The following FBN3 variants were observed in gnomAD, a reference collection of about 807,000 sequenced individuals.
FBN3 encodes fibrillin 3, also known as fibrillin-3.
In FBN3, 234 loss-of-function variants were observed where a neutral mutation model predicts 330.1. The observed-to-expected ratio is 0.71, with a 90% CI of 0.64 to 0.79. The LOEUF (loss-of-function observed/expected upper bound fraction) is 0.79. FBN3 is among the 30% of genes least tolerant of loss of function. FBN3 has a pLI of 0.00. For synonymous variants in FBN3, 1,458 were observed against 1,517.3 expected (o/e 0.96, Z 0.91); for missense variants, 3,606 against 3,886.9 (o/e 0.93, Z 1.92).
Position 8,126,499 on chromosome 19 carries a change from G to A in FBN3, c.2523C>T (p.Ala841=). The A allele has an allele frequency of 6.2e-7, 1 of 1,613,188 alleles. No individual in the cohort carries two copies. The highest frequency in any genetic ancestry group is 8.5e-7 in the Non-Finnish European group (1 of 1,179,732). Residue 841 remains alanine (A), a synonymous_variant, in exon 20 of 64, where the codon GCC becomes GCT. Transcript: ENST00000600128. ...CGCAGCGTTCGCAGGGGCTCCCCCA[G>A]GCTGCCCCGAGGGTGGCGCAGCACT... ...RSECCATLGA[A]WGSPCERCEI...
At chr19:8,086,155 C>T (rs757524786) in intron 55 of FBN3, 45 bp downstream of exon 55, 29 of 1,487,164 alleles carry the variant, frequency 2.0e-5, no homozygotes, top group Middle Eastern at 1.8e-4. Context: ...GTGGGTGCCA[C>T]ATGGTAGGTG....
intron 59 of FBN3, among the ~76,000 whole-genome samples, chr19:8,076,415 C>T (rs2145386926): frequency 6.6e-6 from 1 of 152,230 alleles, no homozygotes; most frequent in African/African-American, 2.4e-5. Flanking sequence ...GCCTCCGGAT[C>T]ACCTGAAGTC....
intron 47 of FBN3, among the ~76,000 whole-genome samples, chr19:8,092,586 C>T (rs1464612946): frequency 6.6e-6 from 1 of 151,184 alleles, no homozygotes; most frequent in African/African-American, 2.4e-5. Context: ...TGTGGCGGGG[C>T]GCACCTGTAA....
At chr19:8,134,856 C>G (rs2083241693) in intron 13 of FBN3, among the ~76,000 whole-genome samples, 1 of 151,556 alleles carries the variant, frequency 6.6e-6, no homozygotes, top group African/African-American at 2.4e-5. Context: ...ATCACTTGAA[C>G]CCGGGCAGCA....
chr19:8,082,378 CTCT>C (rs1397663978), intron 57 of FBN3, among the ~76,000 whole-genome samples: 1 of 136,440 alleles, frequency 7.3e-6, no homozygotes, highest in South Asian at 2.2e-4. Context: ...TTCTTTCTTT[CTCT>C]TCTTTCTTCT....
At chr19:8,099,438 G>A (rs999888918) in intron 41 of FBN3, among the ~76,000 whole-genome samples, 7 of 151,124 alleles carry the variant, frequency 4.6e-5, no homozygotes, top group South Asian at 4.2e-4. Context: ...CCGCCACCAC[G>A]CCCGGCTAAT....
intron 61 of FBN3, among the ~76,000 whole-genome samples, chr19:8,074,259 C>G (rs1027254463): frequency 6.6e-6 from 1 of 151,998 alleles, no homozygotes; most frequent in African/African-American, 2.4e-5. Flanking sequence ...GTGGGATCCC[C>G]AAGATCCCCA....
Position 8,117,228 on chromosome 19 carries a change from C to T in FBN3, c.3527G>A (p.Ser1176Asn). Reference sequence around the variant, plus strand: ...GCCCTGCCCACAGCTGCACCGGTAGCTGCCCTCAGTGTTAATACAGTGCAC... The same window carrying T: ...GCCCTGCCCACAGCTGCACCGGTAGTTGCCCTCAGTGTTAATACAGTGCAC... ...CDVHCINTEG[S>N]YRCSCGQGYS... The change falls in exon 28 of 64, where the codon AGC becomes AAC. Residue 1176 changes from serine to asparagine, a missense_variant. Physicochemically the swap from Ser to Asn is conservative, Grantham distance 46. Transcript: ENST00000600128. 1 of 1,614,054 alleles carries T rather than the reference C, an allele frequency of 6.2e-7. No individual in the cohort carries two copies. The highest frequency in any genetic ancestry group is 2.2e-5 in the East Asian group (1 of 44,868).
In FBN3 at chr19:8,136,258, A is replaced by T; in HGVS notation, c.1397T>A (p.Ile466Asn). Residue 466 changes from isoleucine (I) to asparagine (N), a missense_variant, in exon 12 of 64, where the codon ATC becomes AAC. Physicochemically the swap from Ile to Asn is moderately radical, Grantham distance 149 (BLOSUM62 -3). Transcript: ENST00000600128. ...SPCHHGDCVN[I>N]PGTYHCRCYP... is the part of the protein sequence containing the mutation. ...GCACCGGCAGTGGTAGGTGCCGGGG[A>T]TGTTGACGCAGTCACCGTGGTGGCA... 3.7e-6 allele frequency: 6 copies of T among 1,607,356 alleles called. No homozygotes were observed. The highest frequency in any genetic ancestry group is 5.1e-6 in the Non-Finnish European group (6 of 1,177,798).
intron 23 of FBN3, 76 bp downstream of exon 23, chr19:8,123,708 T>G: frequency 1.3e-6 from 2 of 1,593,644 alleles, no homozygotes; most frequent in East Asian, 2.2e-5. Flanking sequence ...CCAAACACAC[T>G]TCCCATCTCC....
At chr19:8,092,569 T>TG (rs1338539151) in intron 47 of FBN3, among the ~76,000 whole-genome samples, 1 of 151,408 alleles carries the variant, frequency 6.6e-6, no homozygotes, top group Non-Finnish European at 1.5e-5. Context: ...AGAAATTAGC[T>TG]GGGCATTGTG....
Position 8,072,180 on chromosome 19 carries a change from C to T in FBN3, c.7956G>A (p.Leu2652=), listed in dbSNP as rs930122460. Residue 2652 remains leucine, a synonymous_variant, in exon 63 of 64, where the codon CTG becomes CTA. Coordinates refer to ENST00000600128, the MANE Select transcript of FBN3 (RefSeq NM_032447.5). ...TGTCCTGGGGTCCGGGGCTGAAGCC[C>T]AGGCCGGAGACACAGTGCCTGGGCC... ...RAGQGHCVSG[L]GFSPGPQDTP... 3.2e-6 allele frequency: 5 copies of T among 1,561,730 alleles called. No individual in the cohort carries two copies. The highest frequency in any genetic ancestry group is 3.5e-6 in the Non-Finnish European group (4 of 1,155,462).
intron 53 of FBN3, 33 bp downstream of exon 53, chr19:8,087,792 G>C: frequency 1.3e-6 from 2 of 1,587,802 alleles, no homozygotes; most frequent in South Asian, 1.1e-5. Context: ...ATTTTTAGTA[G>C]AGACAGGGTT....
chr19:8,077,843 G>T (rs190534132), intron 59 of FBN3, among the ~76,000 whole-genome samples: 1 of 152,126 alleles, frequency 6.6e-6, no homozygotes, highest in Admixed American at 6.6e-5. Flanking sequence ...TTGGAAGGCC[G>T]AGATGGGCAG....
At chr19:8,071,952 C>G (rs2081522314) in intron 63 of FBN3, 96 bp downstream of exon 63, 1 of 1,295,612 alleles carries the variant, frequency 7.7e-7, no homozygotes, top group Non-Finnish European at 1.1e-6. Flanking sequence ...GGTGCTCCTT[C>G]TTGGGGGGGC....
chr19:8,082,442 T>G (rs1003382406), intron 57 of FBN3, among the ~76,000 whole-genome samples: 4 of 143,436 alleles, frequency 2.8e-5, no homozygotes, highest in Non-Finnish European at 4.6e-5. Flanking sequence ...CTCTCTCTCT[T>G]CCTTCCTTCC....
At chr19:8,146,450 T>C (rs2083549603) in intron 3 of FBN3, among the ~76,000 whole-genome samples, 1 of 152,196 alleles carries the variant, frequency 6.6e-6, no homozygotes, top group Admixed American at 6.5e-5. Flanking sequence ...GGGACTCTGC[T>C]AGAGCCATGG....
chr19:8,132,958 G>A (rs369872407), intron 14 of FBN3, 26 bp downstream of exon 14: 51 of 1,529,006 alleles, frequency 3.3e-5, no homozygotes, highest in East Asian at 4.9e-5. Context: ...TCTCCCCTCC[G>A]CTGGCCAGTC....
chr19:8,112,956 C>T (rs73505668), intron 30 of FBN3, among the ~76,000 whole-genome samples: 2,892 of 152,268 alleles, frequency 0.019, 100 homozygotes, highest in African/African-American at 0.067. Flanking sequence ...ATTAAAATAA[C>T]CATGTAACTG....
Sources: allele counts gnomAD v4.1 joint callset (sites outside exome capture counted in the v4.1 genomes callset), GRCh38; gene constraint gnomAD v4.1.1; transcripts MANE v1.5; gene names NCBI Gene and HGNC (gene_info 2026-07-23, HGNC 2026-07-21).